PARD3B: variants seen among roughly 807,000 people sequenced by gnomAD.
PARD3B encodes the protein par-3 family cell polarity regulator beta.
PARD3B carries 103 observed loss-of-function variants against 130.2 expected under a neutral mutation model. The ratio of observed to expected loss-of-function variants is 0.79; its 90% CI spans 0.67 to 0.93. The LOEUF (loss-of-function observed/expected upper bound fraction) is 0.93, where lower values mean the gene tolerates loss of function less well. Among genes scored for constraint, PARD3B ranks in the 40% least tolerant of loss-of-function variants. PARD3B has a pLI of 0.00. For synonymous variants in PARD3B, 583 were observed against 553.2 expected (o/e 1.05, Z -0.76); for missense variants, 1,609 against 1,499.2 (o/e 1.07, Z -1.21).
chr2:205,506,704 C>T (rs1031441035), intron 21 of PARD3B, among the ~76,000 whole-genome samples: 1 of 152,176 alleles, frequency 6.6e-6, no homozygotes, highest in African/African-American at 2.4e-5. Context: ...CATCAATGGT[C>T]CAATACCAGA....
chr2:204,868,804 G>C (rs1350710364), intron 2 of PARD3B, among the ~76,000 whole-genome samples: 1 of 152,302 alleles, frequency 6.6e-6, no homozygotes, highest in African/African-American at 2.4e-5. Flanking sequence ...AGGATTGAGT[G>C]GGACTAGTTA....
At chr2:204,681,385 A>T (rs1307629311) in intron 1 of PARD3B, among the ~76,000 whole-genome samples, 1 of 152,000 alleles carries the variant, frequency 6.6e-6, no homozygotes, top group Non-Finnish European at 1.5e-5. Context: ...CAGCATAAAA[A>T]CTCCGGGTCC....
chr2:204,831,975 CA>C (rs368532409), intron 2 of PARD3B, among the ~76,000 whole-genome samples: 47 of 152,294 alleles, frequency 3.1e-4, no homozygotes, highest in African/African-American at 8.7e-4. Flanking sequence ...GTAATCCCAG[CA>C]CTTTGGGAGG....
At chr2:205,068,560 G>A (rs1700530899) in intron 4 of PARD3B, among the ~76,000 whole-genome samples, 1 of 138,572 alleles carries the variant, frequency 7.2e-6, no homozygotes, top group African/African-American at 2.7e-5. Context: ...AGTAGCCTAA[G>A]AATAGACAAG....
chr2:205,328,715 A>C (rs565057783), intron 18 of PARD3B, among the ~76,000 whole-genome samples: 1 of 152,324 alleles, frequency 6.6e-6, no homozygotes, highest in East Asian at 1.9e-4. Context: ...TGGGATCACC[A>C]CAGAGCTAGT....
chr2:204,869,324 T>A (rs966035586), intron 2 of PARD3B, among the ~76,000 whole-genome samples: 14 of 152,144 alleles, frequency 9.2e-5, no homozygotes, highest in Admixed American at 7.2e-4. Flanking sequence ...CTTTCGCTCC[T>A]CCTTGCCTAG....
intron 2 of PARD3B, among the ~76,000 whole-genome samples, chr2:204,827,717 A>C (rs2043639018): frequency 6.6e-6 from 1 of 152,254 alleles, no homozygotes; most frequent in Admixed American, 6.5e-5. Context: ...CAAAAAATGC[A>C]TGTTAAATGT....
intron 19 of PARD3B, among the ~76,000 whole-genome samples, chr2:205,428,206 A>G (rs149500169): frequency 7.2e-4 from 109 of 152,198 alleles, no homozygotes; most frequent in African/African-American, 2.3e-3. Flanking sequence ...AACATGGAAA[A>G]AACCCCATCT....
At chr2:205,200,052 G>A (rs1449707282) in intron 15 of PARD3B, among the ~76,000 whole-genome samples, 1 of 151,750 alleles carries the variant, frequency 6.6e-6, no homozygotes, top group Non-Finnish European at 1.5e-5. Flanking sequence ...CTTTTTGATG[G>A]GATTTCTAAA....
At chr2:205,355,968 G>T (rs188832270) in intron 18 of PARD3B, among the ~76,000 whole-genome samples, 15 of 152,270 alleles carry the variant, frequency 9.9e-5, no homozygotes, top group Admixed American at 2.0e-4. Context: ...ACCTCCACCT[G>T]GTCTCTCCCT....
At chr2:204,674,399 T>C (rs888367690) in intron 1 of PARD3B, among the ~76,000 whole-genome samples, 7 of 152,074 alleles carry the variant, frequency 4.6e-5, no homozygotes, top group Admixed American at 1.3e-4. Context: ...ATGAAGTTGT[T>C]AGAGAAACGC....
intron 2 of PARD3B, among the ~76,000 whole-genome samples, chr2:204,715,842 C>T (rs1269066545): frequency 6.6e-6 from 1 of 152,154 alleles, no homozygotes; most frequent in Non-Finnish European, 1.5e-5. Context: ...TGCCATTCTA[C>T]ATTGCTTTTT....
At chr2:205,353,255 C>G (rs1219468441) in intron 18 of PARD3B, among the ~76,000 whole-genome samples, 1 of 152,196 alleles carries the variant, frequency 6.6e-6, no homozygotes, top group Non-Finnish European at 1.5e-5. Flanking sequence ...TACTACTTAT[C>G]CAGAAAGCCT....
intron 2 of PARD3B, among the ~76,000 whole-genome samples, chr2:204,854,362 G>A (rs901007833): frequency 1.3e-5 from 2 of 152,094 alleles, no homozygotes; most frequent in African/African-American, 4.8e-5. Context: ...CATGCTAAAA[G>A]TATAGGTTAG....
chr2:204,903,385 G>A (rs982999826), intron 2 of PARD3B, among the ~76,000 whole-genome samples: 3 of 152,064 alleles, frequency 2.0e-5, no homozygotes, highest in Admixed American at 6.5e-5. Flanking sequence ...TTCTCTGTGG[G>A]GAGTAAGGCC....
At chr2:205,380,046 C>T (rs112635028) in intron 18 of PARD3B, among the ~76,000 whole-genome samples, 11 of 132,152 alleles carry the variant, frequency 8.3e-5, no homozygotes, top group African/African-American at 1.2e-4. Flanking sequence ...CCAGCCTGGG[C>T]GACAGAATGA....
At chr2:204,687,854 A>G (rs1248424353) in intron 2 of PARD3B, among the ~76,000 whole-genome samples, 1 of 152,208 alleles carries the variant, frequency 6.6e-6, no homozygotes, top group Non-Finnish European at 1.5e-5. Flanking sequence ...AAAAATGGCA[A>G]GTTTAGGAAG....
chr2:205,250,854 A>T (rs1244196241), intron 16 of PARD3B, among the ~76,000 whole-genome samples: 1 of 152,076 alleles, frequency 6.6e-6, no homozygotes, highest in African/African-American at 2.4e-5. Context: ...GCTTGAACCC[A>T]CAAGGTGGAG....
chr2:205,193,819 C>A (rs2036527062), intron 15 of PARD3B, among the ~76,000 whole-genome samples: 1 of 152,164 alleles, frequency 6.6e-6, no homozygotes, highest in Admixed American at 6.5e-5. Context: ...TTTAAATGCC[C>A]ATCCCCAAAT....
Sources: gnomAD v4.1 joint callset for allele counts (sites outside exome capture counted in the v4.1 genomes callset) on GRCh38, gnomAD v4.1.1 for gene constraint, MANE v1.5 for transcripts, NCBI Gene and HGNC (gene_info 2026-07-23, HGNC 2026-07-21) for gene names.